Variants in CEP43 observed in about 807,000 individuals in gnomAD.
CEP43 encodes the protein FGFR1 oncogene partner.
A neutral mutation model predicts 52.6 loss-of-function variants in CEP43; 36 were observed. That is an observed-to-expected ratio of 0.68 (90% CI 0.52 to 0.90). The LOEUF is 0.90. CEP43 is among the 40% of genes least tolerant of loss of function. The probability of loss-of-function intolerance (pLI) is 0.00; values close to 1 mark genes in which losing one functional copy is unlikely to be tolerated. For missense variants in CEP43, 506 were observed against 472.8 expected, an observed-to-expected ratio of 1.07 and a Z score of -0.65; for synonymous variants, 192 against 172.4, an observed-to-expected ratio of 1.11 and a Z score of -0.89.
rs373826808 is a variant in CEP43 at position 167,024,826 on chromosome 6, C to T, written c.851C>T (p.Ser284Leu). 34 of 1,613,124 alleles carry T rather than the reference C, an allele frequency of 2.1e-5. No individual in the cohort carries two copies. In the Admixed American group the frequency reaches 2.8e-4, roughly 13 times the overall value. Residue 284 changes from serine (S) to leucine (L), a missense_variant, in exon 9 of 13, where the codon TCG (serine) becomes TTG (leucine). Transcript: ENST00000366847. The stretch of plus-strand genomic sequence containing the variant: ...CAAGCAGGAAGTCTGGCCTCGCTCT[C>T]GGATGCACCCCCCTTAAAAAGTGGA... ...RKQAGSLASL[S>L]DAPPLKSGLS...
chr6:167,033,099 C>CTTTTTTTTTTT (rs71032896), intron 11 of CEP43, among the ~76,000 whole-genome samples: 2 of 68,298 alleles, frequency 2.9e-5, no homozygotes, highest in African/African-American at 5.5e-5. Flanking sequence ...TTGCCATTCT[C>CTTTTTTTTTTT]TTTTTTTTTT....
intron 12 of CEP43, chr6:167,036,796 A>G: frequency 1.0e-6 from 1 of 984,050 alleles, no homozygotes; most frequent in Non-Finnish European, 1.2e-6. Flanking sequence ...CGCCTTTATT[A>G]GTTTTGTTTT....
At chr6:167,014,168 T>G (rs1246870433) in intron 7 of CEP43, among the ~76,000 whole-genome samples, 1 of 152,238 alleles carries the variant, frequency 6.6e-6, no homozygotes, top group South Asian at 2.1e-4. Flanking sequence ...ATTAGTAACA[T>G]TGTGATTTTT....
chr6:167,006,704 G>A (rs554977964), intron 5 of CEP43, among the ~76,000 whole-genome samples: 40 of 152,248 alleles, frequency 2.6e-4, no homozygotes, highest in African/African-American at 8.9e-4. Flanking sequence ...CCACAGGAGA[G>A]TCCTACAACC....
rs532538777 is a variant in CEP43, at chr6:167,000,214, G to C, written c.156+101G>C. 14 of 900,310 alleles carry C rather than the reference G, an allele frequency of 1.6e-5. No homozygotes were observed. In the East Asian group the frequency reaches 3.1e-4, roughly 20 times the overall value. 55.8% of individuals were successfully genotyped at this position (900,310 alleles called of 1,614,324 possible). The stretch of plus-strand genomic sequence containing the variant: ...AATAGTTTATAGTAACATATAGCTA[G>C]GGATAATTTTGAACTGTTAAGGATT... On this transcript the variant is annotated intron_variant, in intron 2 of 12. Transcript: ENST00000366847.
At chr6:167,004,075 A>G in intron 4 of CEP43, 189 bp from the exon 5 acceptor site, 1 of 628,706 alleles carries the variant, frequency 1.6e-6, no homozygotes, top group Non-Finnish European at 2.6e-6. Context: ...GCACCTGTTA[A>G]TGGAAACGTT....
At chr6:167,030,423 C>A (rs1043734645) in intron 10 of CEP43, among the ~76,000 whole-genome samples, 13 of 152,220 alleles carry the variant, frequency 8.5e-5, no homozygotes, top group Non-Finnish European at 1.5e-4. Context: ...TCGGCCCTGA[C>A]AGTGCCTGGT....
At chr6:167,026,762 C>T in intron 10 of CEP43, 147 bp downstream of exon 10, 1 of 620,348 alleles carries the variant, frequency 1.6e-6, no homozygotes, top group Middle Eastern at 2.6e-4. Flanking sequence ...TTTATGTGTT[C>T]AGGATTACAC....
At chr6:167,025,943 C>T (rs1780345433) in intron 9 of CEP43, among the ~76,000 whole-genome samples, 2 of 152,280 alleles carry the variant, frequency 1.3e-5, no homozygotes, top group Non-Finnish European at 2.9e-5. Flanking sequence ...AAATAAGACT[C>T]ATGAAAATAA....
rs1780668195 is a variant in CEP43 at position 167,040,265 on chromosome 6, A to ATCAG, written c.*289_*292dup. The ATCAG allele has an allele frequency of 3.3e-6, 5 of 1,497,020 alleles. No homozygotes were observed. Among genetic ancestry groups the ATCAG allele is most frequent in the Middle Eastern group, 4.8e-4 (2 of 4,176 alleles). 92.7% of individuals were successfully genotyped at this position (1,497,020 alleles called of 1,614,324 possible). A position where few individuals can be genotyped will look rare whatever the true frequency, so the allele number is the denominator to read the frequency against. ...TTACAGGGAAGGAACCCATGAAAACATCAGTGTTAAGAGCATGATGAAAGG... is the reference window on the plus strand; with the variant it reads ...TTACAGGGAAGGAACCCATGAAAACATCAGTCAGTGTTAAGAGCATGATGAAAGG... On this transcript the variant is annotated 3_prime_UTR_variant, in exon 13 of 13. Coordinates refer to ENST00000366847, the MANE Select transcript of CEP43 (RefSeq NM_007045.4).
At position 167,044,490 on chromosome 6, in the gene CEP43, G is replaced by T; in HGVS notation, c.*4512G>T. 1.0e-6 allele frequency: 1 copy of T among 985,412 alleles called. No homozygotes were observed. Among genetic ancestry groups the T allele is most frequent in the Non-Finnish European group, 1.2e-6 (1 of 829,918 alleles). 61.0% of individuals were successfully genotyped at this position (985,412 alleles called of 1,614,324 possible). A position where few individuals can be genotyped will look rare whatever the true frequency, so the allele number is the denominator to read the frequency against. On this transcript the variant is annotated 3_prime_UTR_variant, in exon 13 of 13. Transcript: ENST00000366847. ...AAAGTTTCCCCGAGGAAGTCAGATT[G>T]GAAAAGTGTCCTCAGGTTCAAGGAA...
At position 167,052,200 on chromosome 6, in the gene CEP43, T is replaced by C. The variant is rs1322760937; in HGVS notation, c.*12222T>C. 4.6e-5 allele frequency: 7 copies of C among 152,248 alleles called. No individual in the cohort carries two copies. Among genetic ancestry groups the C allele is most frequent in the African/African-American group, 1.4e-4 (6 of 41,474 alleles). 9.4% of individuals were successfully genotyped at this position (152,248 alleles called of 1,614,324 possible). On this transcript the variant is annotated 3_prime_UTR_variant, in exon 13 of 13. Transcript: ENST00000366847. Reference sequence around the variant, plus strand: ...GAGATAGAAACACATTTCTTCTTTATAGCTCTAGGTCCTCTTCACTTGTTT... The same window carrying C: ...GAGATAGAAACACATTTCTTCTTTACAGCTCTAGGTCCTCTTCACTTGTTT...
intron 2 of CEP43, among the ~76,000 whole-genome samples, chr6:167,000,885 C>G (rs1433359504): frequency 6.6e-6 from 1 of 150,928 alleles, no homozygotes; most frequent in Non-Finnish European, 1.5e-5. Flanking sequence ...GTCATTTAAC[C>G]CAGCAAACTA....
chr6:167,035,585 T>A (rs75051067), intron 12 of CEP43, among the ~76,000 whole-genome samples: 193 of 151,712 alleles, frequency 1.3e-3, no homozygotes, highest in African/African-American at 4.4e-3. Flanking sequence ...TTTTTTTTTT[T>A]AGACAGAGTC....
intron 5 of CEP43, 82 bp downstream of exon 5, chr6:167,004,483 A>G (rs1241250797): frequency 3.4e-6 from 4 of 1,183,880 alleles, no homozygotes; most frequent in Non-Finnish European, 4.5e-6. Flanking sequence ...CATATATAGT[A>G]AATTAAGGTT....
At chr6:167,024,042 A>G (rs1780297959) in intron 8 of CEP43, among the ~76,000 whole-genome samples, 1 of 152,200 alleles carries the variant, frequency 6.6e-6, no homozygotes, top group Admixed American at 6.5e-5. Context: ...AGCTTTAAAG[A>G]TGGAAGAATT....
Position 167,040,545 on chromosome 6 carries a change from T to C in CEP43, c.*567T>C. 9.1e-7 allele frequency: 1 copy of C among 1,102,012 alleles called. No homozygotes were observed. The allele number at this position is 1,102,012 out of a possible 1,614,324, so 68.3% of individuals were successfully genotyped here. On this transcript the variant is annotated 3_prime_UTR_variant, in exon 13 of 13. Coordinates refer to ENST00000366847, the MANE Select transcript of CEP43 (RefSeq NM_007045.4). The stretch of plus-strand genomic sequence containing the variant: ...TCCATTTGGAAGGTTTGTTAGACCA[T>C]TAAGGTTATATTAAAGTACTCTTGT...
intron 12 of CEP43, chr6:167,036,923 G>A (rs1583293347): frequency 4.6e-6 from 1 of 215,928 alleles, no homozygotes; most frequent in African/African-American, 2.4e-5. Context: ...TTCTACCTTA[G>A]CCTTCTGAGT....
Position 167,042,769 on chromosome 6 carries a change from T to C in CEP43, c.*2791T>C, listed in dbSNP as rs1275542927. 2 of 150,558 alleles carry C rather than the reference T, an allele frequency of 1.3e-5. No homozygotes were observed. Among genetic ancestry groups the C allele is most frequent in the Non-Finnish European group, 2.9e-5 (2 of 68,002 alleles). The allele number at this position is 150,558 out of a possible 1,614,324, so 9.3% of individuals were successfully genotyped here. A position where few individuals can be genotyped will look rare whatever the true frequency, so the allele number is the denominator to read the frequency against. ...TGCCCCACCACTTGCATTTACCCCTTTTATTTTATTCATCTCAGCATACTC... is the reference window on the plus strand; with the variant it reads ...TGCCCCACCACTTGCATTTACCCCTCTTATTTTATTCATCTCAGCATACTC... On this transcript the variant is annotated 3_prime_UTR_variant, in exon 13 of 13. Transcript: ENST00000366847.
Sources: allele counts gnomAD v4.1 joint callset (sites outside exome capture counted in the v4.1 genomes callset), GRCh38; gene constraint gnomAD v4.1.1; transcripts MANE v1.5; gene names NCBI Gene and HGNC (gene_info 2026-07-23, HGNC 2026-07-21).